ELAPOR1: variants seen among roughly 807,000 people sequenced by gnomAD.
The protein encoded by ELAPOR1 is endosome/lysosome-associated apoptosis and autophagy regulator 1.
A neutral mutation model predicts 119.7 loss-of-function variants in ELAPOR1; 77 were observed. That is an observed-to-expected ratio of 0.64 (90% CI 0.54 to 0.78). ELAPOR1 has a LOEUF of 0.78. Ranked by LOEUF, ELAPOR1 falls within the 30% of genes least tolerant of loss-of-function variation. The pLI, the probability that ELAPOR1 is intolerant of heterozygous loss-of-function variation, is 0.00. For synonymous variants in ELAPOR1, 481 were observed against 487.2 expected (o/e 0.99, Z 0.17); for missense variants, 1,115 against 1,270.4 (o/e 0.88, Z 1.86).
At chr1:109,141,870 G>T (rs1288985189) in intron 1 of ELAPOR1, among the ~76,000 whole-genome samples, 8 of 151,466 alleles carry the variant, frequency 5.3e-5, no homozygotes, top group African/African-American at 1.9e-4. Flanking sequence ...TTGCCATGTT[G>T]CCCAGAATGG....
chr1:109,171,313 C>T (rs545934057), intron 3 of ELAPOR1, among the ~76,000 whole-genome samples: 11 of 152,042 alleles, frequency 7.2e-5, no homozygotes, highest in Non-Finnish European at 7.4e-5. Flanking sequence ...TTTTTGAGGC[C>T]GAGGTGGGTG....
At chr1:109,174,714 G>A (rs1652155394) in intron 7 of ELAPOR1, among the ~76,000 whole-genome samples, 2 of 151,766 alleles carry the variant, frequency 1.3e-5, no homozygotes, top group Admixed American at 1.3e-4. Context: ...TAAGGAAAGG[G>A]TTGCAATCCT....
At chr1:109,158,044 C>T (rs373909786) in intron 1 of ELAPOR1, among the ~76,000 whole-genome samples, 4 of 152,108 alleles carry the variant, frequency 2.6e-5, no homozygotes, top group Non-Finnish European at 5.9e-5. Context: ...CATGCCACCA[C>T]GACCGATTAA....
chr1:109,173,432 T>C, intron 5 of ELAPOR1, 42 bp from the exon 6 acceptor site: 1 of 1,556,144 alleles, frequency 6.4e-7, no homozygotes, highest in Non-Finnish European at 8.8e-7. Flanking sequence ...TTAGCGAGAT[T>C]TTTCTCTGTG....
intron 18 of ELAPOR1, 30 bp downstream of exon 18, chr1:109,198,704 C>T: frequency 6.4e-7 from 1 of 1,559,580 alleles, no homozygotes; most frequent in Non-Finnish European, 8.8e-7. Context: ...GTAACAAAGG[C>T]CAAAATCTCC....
intron 7 of ELAPOR1, among the ~76,000 whole-genome samples, chr1:109,180,508 TA>T (rs5776964): frequency 0.96 from 144,230 of 150,620 alleles, 69,366 homozygotes; most frequent in East Asian, 1. Context: ...CCCATCTCTT[TA>T]AAAAAAAAAA....
intron 3 of ELAPOR1, among the ~76,000 whole-genome samples, chr1:109,165,761 T>C (rs1402514163): frequency 6.7e-6 from 1 of 150,218 alleles, no homozygotes; most frequent in East Asian, 2.0e-4. Context: ...TTTTTTTTTT[T>C]TGAGACAGAG....
At position 109,197,454 on chromosome 1, in the gene ELAPOR1, C is replaced by T. The variant is rs754964030; in HGVS notation, c.2122-20C>T. 1.2e-6 allele frequency: 2 copies of T among 1,608,946 alleles called. No individual in the cohort carries two copies. The highest frequency in any genetic ancestry group is 1.7e-6 in the Non-Finnish European group (2 of 1,176,170). ...GACCACTCACTTCTTCCTACTTCTT[C>T]CTCCCCACTCCCCAACCAGGGTAGG... On this transcript the variant is annotated intron_variant, in intron 15 of 21. Coordinates refer to ENST00000369939, the MANE Select transcript of ELAPOR1 (RefSeq NM_020775.5).
At chr1:109,121,800 GTC>G (rs911485318) in intron 1 of ELAPOR1, among the ~76,000 whole-genome samples, 3 of 144,122 alleles carry the variant, frequency 2.1e-5, no homozygotes, top group East Asian at 4.0e-4. Context: ...TTGAGACAGA[GTC>G]TCTCTCTGTC....
Position 109,204,342 on chromosome 1 carries a change from T to A in ELAPOR1, c.*1330T>A, listed in dbSNP as rs1654366481. 1 of 152,198 alleles carries A rather than the reference T, an allele frequency of 6.6e-6. No homozygotes were observed. The highest frequency in any genetic ancestry group is 2.4e-5 in the African/African-American group (1 of 41,432). 9.4% of individuals were successfully genotyped at this position (152,198 alleles called of 1,614,324 possible). ...AATGCCCAAAGCCCTGGTGGATACA[T>A]CCTCCCTATCTTTTTTTTAAACCTT... On this transcript the variant is annotated 3_prime_UTR_variant, in exon 22 of 22. Transcript: ENST00000369939.
At chr1:109,148,200 G>A (rs1419837606) in intron 1 of ELAPOR1, among the ~76,000 whole-genome samples, 2 of 107,984 alleles carry the variant, frequency 1.9e-5, no homozygotes, top group Admixed American at 9.8e-5. Flanking sequence ...GTGCAGTGGC[G>A]CAATCTTGGC....
intron 1 of ELAPOR1, among the ~76,000 whole-genome samples, chr1:109,149,436 C>G (rs34390100): frequency 0.05 from 7,529 of 152,020 alleles, 239 homozygotes; most frequent in Middle Eastern, 0.14. Context: ...AGGGTGTTAC[C>G]CTCCCTGTTT....
rs1461780830 is a variant in ELAPOR1 at position 109,176,923 on chromosome 1, T to C, written c.952+3086T>C. Among the ~76,000 whole-genome samples, 6 of 145,452 alleles carry C rather than the reference T, an allele frequency of 4.1e-5. No homozygotes were observed. In the South Asian group the frequency reaches 9.0e-4, roughly 22 times the overall value. On this transcript the variant is annotated intron_variant, in intron 7 of 21. Coordinates refer to ENST00000369939, the MANE Select transcript of ELAPOR1 (RefSeq NM_020775.5). The stretch of plus-strand genomic sequence containing the variant: ...GTTTCAGAGAGCACAGGGTTGGGGG[T>C]AAGGTCACAGATCTACAGGATCCCA...
At chr1:109,185,689 A>G (rs1570707411) in intron 8 of ELAPOR1, among the ~76,000 whole-genome samples, 1 of 152,192 alleles carries the variant, frequency 6.6e-6, no homozygotes, top group East Asian at 1.9e-4. Flanking sequence ...GGGGAGTCAG[A>G]GACGACTGAA....
intron 3 of ELAPOR1, among the ~76,000 whole-genome samples, chr1:109,169,386 C>T (rs963720621): frequency 5.3e-5 from 8 of 152,096 alleles, no homozygotes; most frequent in Admixed American, 3.3e-4. Flanking sequence ...ATTACAGCCA[C>T]GTGCCACAAC....
intron 2 of ELAPOR1, among the ~76,000 whole-genome samples, chr1:109,164,053 A>G (rs946590344): frequency 3.8e-4 from 58 of 152,170 alleles, no homozygotes; most frequent in African/African-American, 1.3e-3. Flanking sequence ...TAACAGCTTT[A>G]TTGGTATATA....
At chr1:109,163,463 T>C (rs1232006577) in intron 2 of ELAPOR1, among the ~76,000 whole-genome samples, 4 of 152,198 alleles carry the variant, frequency 2.6e-5, no homozygotes, top group African/African-American at 9.6e-5. Flanking sequence ...GGTGCAATCA[T>C]AGCTCTGTAG....
At chr1:109,162,109 C>A in intron 2 of ELAPOR1, 95 bp downstream of exon 2, 2 of 1,370,688 alleles carry the variant, frequency 1.5e-6, no homozygotes, top group Non-Finnish European at 2.0e-6. Flanking sequence ...CCTGGCAGAG[C>A]AGCTGCATTA....
rs1654345913 is a variant in ELAPOR1, at chr1:109,203,995, T to C, written c.*983T>C. On this transcript the variant is annotated 3_prime_UTR_variant, in exon 22 of 22. Coordinates refer to ENST00000369939, the MANE Select transcript of ELAPOR1 (RefSeq NM_020775.5). ...CTGGAGTGCAGTGGCATAATCACTG[T>C]TCAGTGCAGCCTCAAGCTCTTGGGC... The C allele has an allele frequency of 6.6e-6, 1 of 152,166 alleles. No individual in the cohort carries two copies. The highest frequency in any genetic ancestry group is 1.9e-4 in the East Asian group (1 of 5,188). The allele number at this position is 152,166 out of a possible 1,614,324, so 9.4% of individuals were successfully genotyped here.
Sources: allele counts gnomAD v4.1 joint callset (sites outside exome capture counted in the v4.1 genomes callset), GRCh38; gene constraint gnomAD v4.1.1; transcripts MANE v1.5; gene names NCBI Gene and HGNC (gene_info 2026-07-23, HGNC 2026-07-21).